Variants in SMYD3 observed in about 807,000 individuals in gnomAD.
SMYD3 encodes SET and MYND domain containing 3, also known as histone-lysine N-methyltransferase SMYD3.
Under a neutral mutation model 57.7 loss-of-function variants are expected in SMYD3, and 36 were observed. That is an observed-to-expected ratio of 0.62 (90% CI 0.48 to 0.82). The LOEUF is 0.82. Ranked by LOEUF, SMYD3 falls within the 40% of genes least tolerant of loss-of-function variation. The pLI is 0.00. For synonymous variants in SMYD3, 211 were observed against 195.0 expected, an observed-to-expected ratio of 1.08 and a Z score of -0.68; for missense variants, 515 against 538.8, an observed-to-expected ratio of 0.96 and a Z score of 0.44.
At chr1:246,174,384 T>A (rs527897798) in intron 5 of SMYD3, among the ~76,000 whole-genome samples, 1 of 152,330 alleles carries the variant, frequency 6.6e-6, no homozygotes, top group South Asian at 2.1e-4. Context: ...CAGCATTGTA[T>A]ACACAGTCCA....
At chr1:246,105,621 A>C (rs537867532) in intron 5 of SMYD3, among the ~76,000 whole-genome samples, 2 of 152,328 alleles carry the variant, frequency 1.3e-5, no homozygotes, top group South Asian at 2.1e-4. Context: ...CTGTAGAAAG[A>C]ATAACACAGA....
chr1:245,895,507 G>GA (rs34144791), intron 8 of SMYD3, among the ~76,000 whole-genome samples: 29,388 of 152,094 alleles, frequency 0.19, 3,584 homozygotes, highest in East Asian at 0.63. Context: ...TAAGGCAGCA[G>GA]AAAAAATCTT....
intron 8 of SMYD3, among the ~76,000 whole-genome samples, chr1:245,897,864 A>G (rs2053927732): frequency 6.6e-6 from 1 of 152,068 alleles, no homozygotes; most frequent in Non-Finnish European, 1.5e-5. Context: ...GTGCCACTGC[A>G]CTGCAGCCTA....
rs2064995334 is a variant in SMYD3, at chr1:246,307,289, T to C, written c.531+19912A>G. Among the ~76,000 whole-genome samples the C allele has an allele frequency of 3.3e-5, 5 of 152,276 alleles. No homozygotes were observed. The South Asian group carries it at 1.0e-3, about 32-fold the overall frequency. ...CACCTTAAGTGGCTCTTTCTCTTCA[T>C]GTCTTTCTAAAAATCCTTCTCAGTT... On this transcript the variant is annotated intron_variant, in intron 5 of 11. Coordinates refer to ENST00000490107, the MANE Select transcript of SMYD3 (RefSeq NM_001167740.2).
At chr1:245,844,985 A>G (rs1318418183) in intron 10 of SMYD3, among the ~76,000 whole-genome samples, 1 of 152,218 alleles carries the variant, frequency 6.6e-6, no homozygotes, top group Non-Finnish European at 1.5e-5. Context: ...CCTATTATTG[A>G]ATTTTACTTC....
chr1:246,326,930 G>A (rs1371853716), intron 5 of SMYD3: 1 of 461,628 alleles, frequency 2.2e-6, no homozygotes, highest in Non-Finnish European at 3.8e-6. Flanking sequence ...AGAAAAGAAA[G>A]CATACTCTTT....
chr1:245,784,131 T>C (rs2046941935), intron 10 of SMYD3, among the ~76,000 whole-genome samples: 1 of 152,214 alleles, frequency 6.6e-6, no homozygotes, highest in Non-Finnish European at 1.5e-5. Flanking sequence ...ATTTCAAATG[T>C]TTCTAGAGAA....
intron 5 of SMYD3, among the ~76,000 whole-genome samples, chr1:246,009,805 C>CTTTT (rs74163100): frequency 1.6e-4 from 12 of 75,588 alleles, no homozygotes; most frequent in Non-Finnish European, 2.7e-4. Context: ...CATGTAAGAT[C>CTTTT]TTTTTTTTTT....
At chr1:245,755,971 G>A (rs1055557763) in intron 11 of SMYD3, among the ~76,000 whole-genome samples, 2 of 142,870 alleles carry the variant, frequency 1.4e-5, no homozygotes, top group Non-Finnish European at 3.1e-5. Flanking sequence ...TTTTCTGTTT[G>A]CTCTCTTTTT....
chr1:245,893,396 A>G (rs1380231650), intron 8 of SMYD3, among the ~76,000 whole-genome samples: 3 of 152,250 alleles, frequency 2.0e-5, no homozygotes, highest in Non-Finnish European at 2.9e-5. Context: ...TTATATTTGC[A>G]CAATAACCTG....
chr1:246,486,621 A>G (rs2068192289), intron 1 of SMYD3, among the ~76,000 whole-genome samples: 1 of 152,186 alleles, frequency 6.6e-6, no homozygotes, highest in African/African-American at 2.4e-5. Context: ...AAGAAAATGA[A>G]AATCAAAGAG....
chr1:245,810,004 T>G (rs2048371507), intron 10 of SMYD3, among the ~76,000 whole-genome samples: 1 of 152,164 alleles, frequency 6.6e-6, no homozygotes, highest in Non-Finnish European at 1.5e-5. Flanking sequence ...GATTTTGGTT[T>G]CAGAGGGGAC....
At chr1:246,277,263 C>T (rs983892744) in intron 5 of SMYD3, among the ~76,000 whole-genome samples, 3 of 151,102 alleles carry the variant, frequency 2.0e-5, no homozygotes, top group East Asian at 1.9e-4. Context: ...ATATATAAAA[C>T]GCTCAACATC....
At chr1:246,089,924 G>A (rs2060792647) in intron 5 of SMYD3, among the ~76,000 whole-genome samples, 1 of 151,544 alleles carries the variant, frequency 6.6e-6, no homozygotes. Context: ...TTTTTACAAG[G>A]GAGATTTGGG....
rs2065558731 is a variant in SMYD3 at position 246,337,350 on chromosome 1, C to T, written c.229-1876G>A. Among the ~76,000 whole-genome samples the T allele has an allele frequency of 2.6e-5, 4 of 152,090 alleles. No individual in the cohort carries two copies. In the South Asian group the frequency reaches 8.3e-4, roughly 32 times the overall value. On this transcript the variant is annotated intron_variant, in intron 2 of 11. Transcript: ENST00000490107. ...AGTTTCCCATGCTTGTTATTGTCAC[C>T]CTTTAGAGAGTTAGGTTGGTATTCA... is the stretch of plus-strand genomic sequence containing the variant.
chr1:245,907,388 T>C lies in SMYD3; in HGVS notation c.813+8142A>G, dbSNP rs150753506. Among the ~76,000 whole-genome samples the C allele has an allele frequency of 1.2e-4, 18 of 152,224 alleles. No homozygotes were observed. In the East Asian group the frequency reaches 3.3e-3, roughly 28 times the overall value. ...TTTTAAAAAATAAAATAATTTAAAG[T>C]CAGAGAAAACCTATTTAACGAAATA... On this transcript the variant is annotated intron_variant, in intron 8 of 11. Coordinates refer to ENST00000490107, the MANE Select transcript of SMYD3 (RefSeq NM_001167740.2).
At chr1:246,270,109 T>A (rs2064192994) in intron 5 of SMYD3, among the ~76,000 whole-genome samples, 1 of 142,810 alleles carries the variant, frequency 7.0e-6, no homozygotes, top group East Asian at 2.6e-4. Flanking sequence ...ACCCTCTTAA[T>A]CCCTGAAAGA....
intron 5 of SMYD3, among the ~76,000 whole-genome samples, chr1:246,005,851 C>T (rs1393997750): frequency 6.6e-6 from 1 of 152,124 alleles, no homozygotes. Context: ...ATTTAGGGCC[C>T]CTGTCAGAAC....
chr1:246,255,979 T>TAGATAGACAGACAGACAGAC (rs936118944), intron 5 of SMYD3, among the ~76,000 whole-genome samples: 3 of 147,754 alleles, frequency 2.0e-5, no homozygotes, highest in East Asian at 4.0e-4. Context: ...GATAGATAGA[T>TAGATAGACAGACAGACAGAC]AGATAGATAC....
Sources: allele counts gnomAD v4.1 joint callset (sites outside exome capture counted in the v4.1 genomes callset), GRCh38; gene constraint gnomAD v4.1.1; transcripts MANE v1.5; gene names NCBI Gene and HGNC (gene_info 2026-07-23, HGNC 2026-07-21).